Variants in MAGI2 observed in about 807,000 individuals in gnomAD.
MAGI2 encodes the protein membrane-associated guanylate kinase, WW and PDZ domain-containing protein 2.
A neutral mutation model predicts 133.3 loss-of-function variants in MAGI2; 35 were observed. The ratio of observed to expected loss-of-function variants is 0.26; its 90% CI spans 0.20 to 0.35. MAGI2 has a LOEUF of 0.35. Among genes scored for constraint, MAGI2 ranks in the 10% least tolerant of loss-of-function variants. MAGI2 has a pLI of 1.00. For missense variants in MAGI2, 1,636 were observed against 1,863.4 expected (o/e 0.88, Z 2.25); for synonymous variants, 729 against 710.6 (o/e 1.03, Z -0.41).
At chr7:78,667,905 C>T (rs924128470) in intron 2 of MAGI2, among the ~76,000 whole-genome samples, 1 of 152,138 alleles carries the variant, frequency 6.6e-6, no homozygotes, top group African/African-American at 2.4e-5. Context: ...GGTATACACC[C>T]AGTAATGGGA....
At chr7:79,353,626 G>T (rs1052680969) in intron 1 of MAGI2, 2 of 388,634 alleles carry the variant, frequency 5.1e-6, no homozygotes, top group African/African-American at 4.2e-5. Context: ...GCAGGTGCTG[G>T]AGATACAGCT....
At chr7:78,318,934 C>T (rs888365701) in intron 9 of MAGI2, among the ~76,000 whole-genome samples, 6 of 152,124 alleles carry the variant, frequency 3.9e-5, no homozygotes, top group African/African-American at 7.2e-5. Flanking sequence ...TTTGTCACAA[C>T]CAGGCCTGCC....
chr7:78,086,145 G>C (rs911879171), intron 20 of MAGI2, among the ~76,000 whole-genome samples: 1 of 149,768 alleles, frequency 6.7e-6, no homozygotes, highest in Admixed American at 6.6e-5. Flanking sequence ...CTTGTCAACT[G>C]TTACTGATAT....
At chr7:78,878,216 C>T (rs1795576490) in intron 2 of MAGI2, among the ~76,000 whole-genome samples, 1 of 152,152 alleles carries the variant, frequency 6.6e-6, no homozygotes, top group South Asian at 2.1e-4. Context: ...ATGAATGTGA[C>T]TTGTGCAGTC....
intron 2 of MAGI2, among the ~76,000 whole-genome samples, chr7:78,654,747 A>ATG (rs1811982935): frequency 2.4e-5 from 2 of 82,422 alleles, no homozygotes; most frequent in Non-Finnish European, 5.1e-5. Flanking sequence ...ATATATATAT[A>ATG]TAGCATATAT....
intron 2 of MAGI2, among the ~76,000 whole-genome samples, chr7:78,651,308 C>A (rs1185610961): frequency 9.6e-6 from 1 of 103,866 alleles, no homozygotes. Context: ...TATAAACTTT[C>A]TGCCTTTGTG....
chr7:78,439,411 G>C (rs544667393), intron 6 of MAGI2, among the ~76,000 whole-genome samples: 52 of 152,230 alleles, frequency 3.4e-4, no homozygotes, highest in African/African-American at 1.2e-3. Flanking sequence ...ATGTACAGCA[G>C]GATTTGAGGG....
intron 2 of MAGI2, among the ~76,000 whole-genome samples, chr7:78,842,016 T>C (rs2151464456): frequency 6.6e-6 from 1 of 152,072 alleles, no homozygotes; most frequent in South Asian, 2.1e-4. Context: ...CGGCATATCA[T>C]AGGTGCTTAA....
At chr7:79,009,333 A>C (rs1236200703) in intron 1 of MAGI2, among the ~76,000 whole-genome samples, 1 of 151,838 alleles carries the variant, frequency 6.6e-6, no homozygotes, top group African/African-American at 2.4e-5. Flanking sequence ...CTTTTTTTTC[A>C]TAGAAGAACT....
Position 78,198,746 on chromosome 7 carries a change from G to A in MAGI2, c.2079+2416C>T, listed in dbSNP as rs570323408. Among the ~76,000 whole-genome samples the A allele has an allele frequency of 2.0e-5, 3 of 152,294 alleles. No individual in the cohort carries two copies. In the East Asian group the frequency reaches 5.8e-4, roughly 29 times the overall value. On this transcript the variant is annotated intron_variant, in intron 11 of 21. Transcript: ENST00000354212. ...CCCCTCTCCCCTACTCCCATGAAAT[G>A]CTCTGTCCAGAAACTGTTTTCTTAC...
chr7:78,899,145 A>C (rs1479943487), intron 2 of MAGI2, among the ~76,000 whole-genome samples: 1 of 152,142 alleles, frequency 6.6e-6, no homozygotes, highest in Non-Finnish European at 1.5e-5. Flanking sequence ...AAAACAAGAC[A>C]CTTCTCCATG....
At chr7:78,542,970 A>G (rs1404701659) in intron 3 of MAGI2, among the ~76,000 whole-genome samples, 1 of 152,226 alleles carries the variant, frequency 6.6e-6, no homozygotes, top group African/African-American at 2.4e-5. Flanking sequence ...ACAAGCATGC[A>G]TTAGATATCA....
At chr7:78,027,309 G>T (rs765037922) in intron 21 of MAGI2, among the ~76,000 whole-genome samples, 2 of 152,150 alleles carry the variant, frequency 1.3e-5, no homozygotes, top group Non-Finnish European at 2.9e-5. Flanking sequence ...TATGATTAGA[G>T]CATTGATCTG....
chr7:79,079,982 T>C (rs1170629456), intron 1 of MAGI2, among the ~76,000 whole-genome samples: 1 of 152,108 alleles, frequency 6.6e-6, no homozygotes, highest in East Asian at 1.9e-4. Context: ...GAGTAAGAGA[T>C]TGCCAGCACT....
intron 1 of MAGI2, among the ~76,000 whole-genome samples, chr7:79,399,110 T>TCGGG (rs1554471869): frequency 6.8e-6 from 1 of 146,208 alleles, no homozygotes; most frequent in Non-Finnish European, 1.5e-5. Context: ...TTTTTTTTTT[T>TCGGG]GGGAGATGGA....
chr7:78,593,541 GCTT>G (rs775510231), intron 3 of MAGI2, among the ~76,000 whole-genome samples: 13 of 152,288 alleles, frequency 8.5e-5, no homozygotes, highest in Non-Finnish European at 1.3e-4. Flanking sequence ...ACTCGACTGG[GCTT>G]CTTGTTTTAG....
rs75409623 is a variant in MAGI2 at position 78,583,941 on chromosome 7, G to A, written c.538+43179C>T. Among the ~76,000 whole-genome samples the A allele has an allele frequency of 4.4e-3, 668 of 152,292 alleles. 5 individuals are homozygous for A. The highest frequency in any genetic ancestry group is 0.015 in the African/African-American group (642 of 41,550). Reference sequence around the variant, plus strand: ...TTCACCTTCTTCATTGTCACCCTCTGCATTGAGCTCAAATACCCTTCTAGA... The same window carrying A: ...TTCACCTTCTTCATTGTCACCCTCTACATTGAGCTCAAATACCCTTCTAGA... On this transcript the variant is annotated intron_variant, in intron 3 of 21. Transcript: ENST00000354212.
intron 1 of MAGI2, among the ~76,000 whole-genome samples, chr7:79,111,258 A>AT (rs1191719986): frequency 2.0e-5 from 3 of 152,158 alleles, no homozygotes; most frequent in African/African-American, 7.2e-5. Flanking sequence ...ATCTCTTATT[A>AT]TTTTAACTTG....
chr7:79,371,175 C>G (rs1843029038), intron 1 of MAGI2, among the ~76,000 whole-genome samples: 1 of 151,962 alleles, frequency 6.6e-6, no homozygotes, highest in Non-Finnish European at 1.5e-5. Context: ...CATTTTTTTA[C>G]TTAGGAATTT....
Sources: gnomAD v4.1 joint callset for allele counts (sites outside exome capture counted in the v4.1 genomes callset) on GRCh38, gnomAD v4.1.1 for gene constraint, MANE v1.5 for transcripts, NCBI Gene and HGNC (gene_info 2026-07-23, HGNC 2026-07-21) for gene names.